The following SLC35F3 variants were observed in gnomAD, a reference collection of about 807,000 sequenced individuals.
The protein encoded by SLC35F3 is putative thiamine transporter SLC35F3.
SLC35F3 carries 25 observed loss-of-function variants against 49.9 expected under a neutral mutation model. The ratio of observed to expected loss-of-function variants is 0.50; its 90% CI spans 0.37 to 0.70. The LOEUF is 0.70. Among genes scored for constraint, SLC35F3 ranks in the 30% least tolerant of loss-of-function variants. SLC35F3 has a pLI of 0.00. For missense variants in SLC35F3, 525 were observed against 639.8 expected (o/e 0.82, Z 1.94); for synonymous variants, 275 against 265.4 (o/e 1.04, Z -0.35).
At chr1:234,210,857 T>A (rs1221479608) in intron 2 of SLC35F3, among the ~76,000 whole-genome samples, 1 of 152,224 alleles carries the variant, frequency 6.6e-6, no homozygotes, top group Non-Finnish European at 1.5e-5. Flanking sequence ...AGGAGCTGAA[T>A]GTTAATCACC....
chr1:234,077,456 A>G (rs553150141), intron 2 of SLC35F3, among the ~76,000 whole-genome samples: 15 of 152,320 alleles, frequency 9.8e-5, no homozygotes, highest in African/African-American at 3.6e-4. Context: ...AGCCCCTTAT[A>G]AAACCATTAG....
At chr1:234,245,032 C>T (rs1667610550) in intron 3 of SLC35F3, among the ~76,000 whole-genome samples, 1 of 152,154 alleles carries the variant, frequency 6.6e-6, no homozygotes, top group Non-Finnish European at 1.5e-5. Context: ...TAAGCATCGT[C>T]ACCCTAGTCT....
At chr1:233,941,486 T>C (rs1358479250) in intron 2 of SLC35F3, among the ~76,000 whole-genome samples, 1 of 152,218 alleles carries the variant, frequency 6.6e-6, no homozygotes, top group Non-Finnish European at 1.5e-5. Flanking sequence ...GCAGGGGTCA[T>C]CTTGCTGTGC....
At chr1:234,215,462 G>A (rs1667107879) in intron 2 of SLC35F3, among the ~76,000 whole-genome samples, 1 of 152,188 alleles carries the variant, frequency 6.6e-6, no homozygotes, top group Admixed American at 6.5e-5. Flanking sequence ...CCTCTGCCAG[G>A]AGCAAGCCAC....
Position 234,323,061 on chromosome 1 carries a change from A to G in SLC35F3, c.1291A>G (p.Ile431Val). 3 of 1,613,748 alleles carry G rather than the reference A, an allele frequency of 1.9e-6. No individual in the cohort carries two copies. Among genetic ancestry groups the G allele is most frequent in the Non-Finnish European group, 2.5e-6 (3 of 1,179,722 alleles). Residue 431 changes from isoleucine to valine, a missense_variant, in exon 8 of 8, where the codon ATC becomes GTC. By Grantham distance (29) the Ile-to-Val change is conservative (BLOSUM62 3). This residue lies in a region of SLC35F3 where 76 missense variants were observed against 95.6 expected (regional missense o/e 0.80). Coordinates refer to ENST00000366618, the MANE Select transcript of SLC35F3 (RefSeq NM_173508.4). The surrounding 1 kb of genome is among the most constrained non-coding windows in gnomAD (Gnocchi z 4.5). ...CTTCAATGGGGTCCGGGTCATCGCCATCATCATCATCGGCCTGGGTTTTCT... is the reference window on the plus strand; with the variant it reads ...CTTCAATGGGGTCCGGGTCATCGCCGTCATCATCATCGGCCTGGGTTTTCT... Reference protein sequence around the residue: ...IVFNGVRVIAIIIIGLGFLLL... With the variant: ...IVFNGVRVIAVIIIGLGFLLL...
chr1:234,292,007 C>T (rs12144966), intron 3 of SLC35F3, among the ~76,000 whole-genome samples: 42,895 of 152,036 alleles, frequency 0.28, 6,364 homozygotes, highest in East Asian at 0.53. Context: ...GAAACCATAG[C>T]TCACCACGCC....
intron 2 of SLC35F3, among the ~76,000 whole-genome samples, chr1:234,045,393 A>G (rs1253166886): frequency 6.6e-6 from 1 of 152,210 alleles, no homozygotes; most frequent in Non-Finnish European, 1.5e-5. Flanking sequence ...TATGAAAGCT[A>G]TGTGATCTTT....
intron 3 of SLC35F3, among the ~76,000 whole-genome samples, chr1:234,256,008 C>G (rs1312755442): frequency 6.6e-6 from 1 of 152,086 alleles, no homozygotes; most frequent in Non-Finnish European, 1.5e-5. Flanking sequence ...AAATGTACAT[C>G]AATGCAAGAT....
chr1:234,204,454 C>T (rs183978915), intron 2 of SLC35F3, among the ~76,000 whole-genome samples: 45 of 152,296 alleles, frequency 3.0e-4, no homozygotes, highest in African/African-American at 1.0e-3. Flanking sequence ...ACAAACCCAG[C>T]GTGATTCCCC....
chr1:233,965,017 C>T (rs1266543040), intron 2 of SLC35F3, among the ~76,000 whole-genome samples: 2 of 152,144 alleles, frequency 1.3e-5, no homozygotes, highest in Admixed American at 1.3e-4. Flanking sequence ...GTTGTCATTG[C>T]AATTGGACTC....
intron 2 of SLC35F3, among the ~76,000 whole-genome samples, chr1:233,991,436 G>GA (rs1241639456): frequency 4.2e-5 from 6 of 143,904 alleles, no homozygotes; most frequent in African/African-American, 5.1e-5. Context: ...TTCCATGGAA[G>GA]AAAAAAAAAG....
At chr1:234,300,263 A>T (rs529386727) in intron 3 of SLC35F3, among the ~76,000 whole-genome samples, 1 of 152,360 alleles carries the variant, frequency 6.6e-6, no homozygotes, top group Non-Finnish European at 1.5e-5. Context: ...CATGCTGTCA[A>T]GAATGCATCC....
At chr1:234,050,380 G>A (rs1310005081) in intron 2 of SLC35F3, among the ~76,000 whole-genome samples, 1 of 152,170 alleles carries the variant, frequency 6.6e-6, no homozygotes, top group Non-Finnish European at 1.5e-5. Context: ...GCATTTCTCT[G>A]ATGACCAGTG....
At chr1:233,910,527 C>T (rs1206302682) in intron 2 of SLC35F3, among the ~76,000 whole-genome samples, 3 of 152,212 alleles carry the variant, frequency 2.0e-5, no homozygotes, top group Non-Finnish European at 2.9e-5. Flanking sequence ...AGAGGTGGCT[C>T]ACTGTCCAGG....
At chr1:234,020,208 T>C (rs1663869922) in intron 2 of SLC35F3, among the ~76,000 whole-genome samples, 1 of 152,216 alleles carries the variant, frequency 6.6e-6, no homozygotes, top group South Asian at 2.1e-4. Context: ...TTCATTGTAT[T>C]GTAGTTTTAG....
In SLC35F3 at chr1:234,031,076, CT is replaced by C. The variant is rs557712274; in HGVS notation, c.283+125319del. 1.6e-4 allele frequency among the ~76,000 whole-genome samples: 24 copies of C among 152,288 alleles called. No homozygotes were observed. The East Asian group carries it at 4.4e-3, about 28-fold the overall frequency. The stretch of plus-strand genomic sequence containing the variant: ...AAGCCAAGACTTATAGAAGAGTTTG[CT>C]GGGAATTTACACCATTTGCACCTGA... On this transcript the variant is annotated intron_variant, in intron 2 of 7. Transcript: ENST00000366618.
intron 2 of SLC35F3, among the ~76,000 whole-genome samples, chr1:234,160,570 A>G (rs1666210202): frequency 6.6e-6 from 1 of 152,142 alleles, no homozygotes; most frequent in South Asian, 2.1e-4. Flanking sequence ...CACTATTCCT[A>G]TTACGCCAGG....
intron 2 of SLC35F3, chr1:234,212,864 T>C (rs1667063851): frequency 1.3e-5 from 2 of 152,366 alleles, no homozygotes; most frequent in Admixed American, 1.3e-4. Flanking sequence ...TGGCTTATTG[T>C]AGTGTCATCA....
rs760382008 is a variant in SLC35F3 at position 234,323,556 on chromosome 1, G to C, written c.*313G>C. The C allele has an allele frequency of 6.2e-5, 24 of 386,176 alleles. No homozygotes were observed. The highest frequency in any genetic ancestry group is 2.1e-4 in the Admixed American group (5 of 23,712). The allele number at this position is 386,176 out of a possible 1,614,324, so 23.9% of individuals were successfully genotyped here. On this transcript the variant is annotated 3_prime_UTR_variant, in exon 8 of 8. Transcript: ENST00000366618. The surrounding 1 kb of genome is among the most constrained non-coding windows in gnomAD (Gnocchi z 4.5). ...TGACAAGCCAGCCATCAGGGCAAGT[G>C]TTTTGAATCTTAGCAAGTGTTTTGA...
Sources: allele counts gnomAD v4.1 joint callset (sites outside exome capture counted in the v4.1 genomes callset), GRCh38; gene constraint gnomAD v4.1.1; regional missense constraint gnomAD v4.1.1; non-coding constraint Gnocchi (gnomAD v3.1); transcripts MANE v1.5; gene names NCBI Gene and HGNC (gene_info 2026-07-23, HGNC 2026-07-21).